FAM135B: variants seen among roughly 807,000 people sequenced by gnomAD.
FAM135B encodes family with sequence similarity 135 member B.
Under a neutral mutation model 127.7 loss-of-function variants are expected in FAM135B, and 43 were observed. The ratio of observed to expected loss-of-function variants is 0.34; its 90% confidence interval spans 0.26 to 0.43. The LOEUF is 0.43. Ranked by LOEUF, FAM135B falls within the 20% of genes least tolerant of loss-of-function variation. FAM135B has a pLI of 1.00. For synonymous variants in FAM135B, 670 were observed against 665.1 expected (o/e 1.01, Z -0.11); for missense variants, 1,558 against 1,725.6 (o/e 0.90, Z 1.72).
Position 138,447,405 on chromosome 8 carries a change from C to G in FAM135B, c.-20+49266G>C, listed in dbSNP as rs547685999. Among the ~76,000 whole-genome samples, 3 of 152,134 alleles carry G rather than the reference C, an allele frequency of 2.0e-5. No homozygotes were observed. In the South Asian group the frequency reaches 6.2e-4, roughly 32 times the overall value. On this transcript the variant is annotated intron_variant, in intron 1 of 19. Coordinates refer to ENST00000395297, the MANE Select transcript of FAM135B (RefSeq NM_015912.4). ...CAATAGCAAAGACTTGGAACCAACC[C>G]AAATGTCCAACAATGGTAGACTGGA...
chr8:138,468,092 A>G (rs1837471089), intron 1 of FAM135B, among the ~76,000 whole-genome samples: 1 of 152,242 alleles, frequency 6.6e-6, no homozygotes, highest in South Asian at 2.1e-4. Context: ...ACCTGGGACT[A>G]GGAACTATGG....
intron 1 of FAM135B, among the ~76,000 whole-genome samples, chr8:138,413,890 G>A (rs1160790691): frequency 6.6e-6 from 1 of 151,774 alleles, no homozygotes; most frequent in Non-Finnish European, 1.5e-5. Context: ...CTGGGGGGGT[G>A]GGTGACAAGC....
chr8:138,137,486 C>T (rs1816764163), intron 18 of FAM135B, among the ~76,000 whole-genome samples: 1 of 152,122 alleles, frequency 6.6e-6, no homozygotes, highest in Non-Finnish European at 1.5e-5. Context: ...AAAGAAGTCA[C>T]TAAGCAGGGG....
chr8:138,251,509 G>A (rs1156766907), intron 5 of FAM135B, among the ~76,000 whole-genome samples: 1 of 152,136 alleles, frequency 6.6e-6, no homozygotes, highest in Admixed American at 6.5e-5. Context: ...GTATCTGGCA[G>A]GTATTGAGAA....
chr8:138,162,926 T>A (rs554080188), intron 12 of FAM135B, among the ~76,000 whole-genome samples: 28 of 152,242 alleles, frequency 1.8e-4, no homozygotes, highest in Middle Eastern at 3.4e-3. Context: ...TAAAAAAAAA[T>A]TTTATCAGAT....
chr8:138,290,157 T>A (rs1824997394), intron 3 of FAM135B, among the ~76,000 whole-genome samples: 1 of 152,080 alleles, frequency 6.6e-6, no homozygotes, highest in South Asian at 2.1e-4. Context: ...ATGAGCTGGG[T>A]AAGGATACTT....
intron 1 of FAM135B, among the ~76,000 whole-genome samples, chr8:138,443,258 A>C (rs1835915496): frequency 6.6e-6 from 1 of 152,214 alleles, no homozygotes; most frequent in Admixed American, 6.5e-5. Flanking sequence ...TAGGTTATTG[A>C]GACAGAAATT....
chr8:138,319,092 TTTTTTTG>T (rs924481517), intron 2 of FAM135B, among the ~76,000 whole-genome samples: 3 of 151,840 alleles, frequency 2.0e-5, no homozygotes, highest in Non-Finnish European at 2.9e-5. Flanking sequence ...ACAAGTTTTT[TTTTTTTG>T]TTGTTGTTGT....
rs1173723972 is a variant in FAM135B, at chr8:138,241,605, A to C, written c.669+1337T>G. Reference sequence around the variant, plus strand: ...GCTGAGTGCATTACCTAATATTCTGAACAGTCTGTGCACAGAGCCTGACTG... The same window carrying C: ...GCTGAGTGCATTACCTAATATTCTGCACAGTCTGTGCACAGAGCCTGACTG... On this transcript the variant is annotated intron_variant, in intron 7 of 19. Transcript: ENST00000395297. This position sits in a 1 kb window ranked among gnomAD's most constrained non-coding sequence, Gnocchi z 4.8. Among the ~76,000 whole-genome samples, 1 of 152,124 alleles carries C rather than the reference A, an allele frequency of 6.6e-6. No homozygotes were observed. The highest frequency in any genetic ancestry group is 6.5e-5 in the Admixed American group (1 of 15,274).
At position 138,131,595 on chromosome 8, in the gene FAM135B, C is replaced by G. The variant is rs1816220537; in HGVS notation, c.*998G>C. ...AGCCAGCACCCTTCTTAGAGCTCCC[C>G]TGAGGTTTTAATCCAGCACTCCTCC... On this transcript the variant is annotated 3_prime_UTR_variant, in exon 20 of 20. Transcript: ENST00000395297. 3 of 152,612 alleles carry G rather than the reference C, an allele frequency of 2.0e-5. No homozygotes were observed. The highest frequency in any genetic ancestry group is 1.3e-4 in the Admixed American group (2 of 15,270). 9.5% of individuals were successfully genotyped at this position (152,612 alleles called of 1,614,324 possible).
chr8:138,455,237 T>C (rs1836710303), intron 1 of FAM135B, among the ~76,000 whole-genome samples: 1 of 152,230 alleles, frequency 6.6e-6, no homozygotes, highest in Non-Finnish European at 1.5e-5. Flanking sequence ...ACACTAGCTC[T>C]GCCTGTTTAC....
At chr8:138,219,141 A>C (rs904073860) in intron 7 of FAM135B, among the ~76,000 whole-genome samples, 43 of 152,208 alleles carry the variant, frequency 2.8e-4, no homozygotes, top group African/African-American at 1.0e-3. Flanking sequence ...TACTGTTCAT[A>C]GATGGATCTT....
At chr8:138,469,251 A>C (rs1348227054) in intron 1 of FAM135B, among the ~76,000 whole-genome samples, 1 of 152,150 alleles carries the variant, frequency 6.6e-6, no homozygotes, top group Non-Finnish European at 1.5e-5. Flanking sequence ...TTACTGGAAA[A>C]GAAGAAGAAA....
chr8:138,297,446 C>T (rs1825557836), intron 3 of FAM135B, among the ~76,000 whole-genome samples: 1 of 152,110 alleles, frequency 6.6e-6, no homozygotes, highest in Non-Finnish European at 1.5e-5. Context: ...AAGTTATATT[C>T]CTAAAATAGG....
chr8:138,197,208 C>A (rs1350668102), intron 8 of FAM135B, among the ~76,000 whole-genome samples: 2 of 152,002 alleles, frequency 1.3e-5, no homozygotes, highest in Non-Finnish European at 2.9e-5. Flanking sequence ...TATAAACCAG[C>A]ATTTTCCTCT....
chr8:138,458,670 T>G (rs917286080), intron 1 of FAM135B, among the ~76,000 whole-genome samples: 6 of 152,194 alleles, frequency 3.9e-5, no homozygotes, highest in Non-Finnish European at 5.9e-5. Flanking sequence ...CTTATTTATG[T>G]ATTGTCTGTG....
intron 1 of FAM135B, among the ~76,000 whole-genome samples, chr8:138,428,666 C>G (rs1300514432): frequency 1.3e-5 from 2 of 152,058 alleles, no homozygotes; most frequent in African/African-American, 4.8e-5. Flanking sequence ...TTATGCCAGG[C>G]TCCCTCCACC....
chr8:138,211,621 G>T (rs1401794359), intron 7 of FAM135B, among the ~76,000 whole-genome samples: 1 of 152,192 alleles, frequency 6.6e-6, no homozygotes, highest in Non-Finnish European at 1.5e-5. Context: ...ATTGAGACTA[G>T]GGCATTTGAC....
chr8:138,479,439 C>T (rs1814680024), intron 1 of FAM135B, among the ~76,000 whole-genome samples: 1 of 152,166 alleles, frequency 6.6e-6, no homozygotes, highest in African/African-American at 2.4e-5. Flanking sequence ...CCAAAAGTCA[C>T]GCCATTGATA....
Sources: gnomAD v4.1 joint callset for allele counts (sites outside exome capture counted in the v4.1 genomes callset) on GRCh38, gnomAD v4.1.1 for gene constraint, Gnocchi (gnomAD v3.1) non-coding constraint, MANE v1.5 for transcripts, NCBI Gene and HGNC (gene_info 2026-07-23, HGNC 2026-07-21) for gene names.